METTL15: variants seen among roughly 807,000 people sequenced by gnomAD.
METTL15 encodes the protein 12S rRNA N(4)-cytidine methyltransferase METTL15.
Under a neutral mutation model 38.3 loss-of-function variants are expected in METTL15, and 34 were observed. The ratio of observed to expected loss-of-function variants is 0.89; its 90% confidence interval spans 0.68 to 1.18. METTL15 has a LOEUF of 1.18. Ranked by LOEUF, METTL15 falls within the 50% of genes most tolerant of loss-of-function variation. The pLI, the probability that METTL15 is intolerant of heterozygous loss-of-function variation, is 0.00. For synonymous variants in METTL15, 162 were observed against 170.9 expected (o/e 0.95, Z 0.41); for missense variants, 438 against 498.4 (o/e 0.88, Z 1.15).
At chr11:28,153,152 C>CTA (rs2133691066) in intron 3 of METTL15, among the ~76,000 whole-genome samples, 1 of 152,128 alleles carries the variant, frequency 6.6e-6, no homozygotes, top group East Asian at 1.9e-4. Context: ...GTCTTTGTGA[C>CTA]TATATCTTGT....
intron 5 of METTL15, among the ~76,000 whole-genome samples, chr11:28,404,406 C>A (rs1235402127): frequency 6.6e-6 from 1 of 151,984 alleles, no homozygotes; most frequent in Non-Finnish European, 1.5e-5. Context: ...GATCTAGGAT[C>A]CAGCAGATTT....
chr11:28,392,287 A>G (rs1267569189), intron 5 of METTL15, among the ~76,000 whole-genome samples: 1 of 152,124 alleles, frequency 6.6e-6, no homozygotes, highest in Non-Finnish European at 1.5e-5. Flanking sequence ...AGCCAAAGCA[A>G]TTATGAGAAA....
At chr11:28,347,113 C>T (rs777248300) in intron 3 of METTL15, among the ~76,000 whole-genome samples, 2 of 152,208 alleles carry the variant, frequency 1.3e-5, no homozygotes, top group Non-Finnish European at 2.9e-5. Flanking sequence ...TCCTTCACCT[C>T]TTCTTCTAAA....
At chr11:28,306,138 G>A (rs1857075398) in intron 6 of METTL15, among the ~76,000 whole-genome samples, 1 of 151,996 alleles carries the variant, frequency 6.6e-6, no homozygotes, top group African/African-American at 2.4e-5. Flanking sequence ...AGATCTTCCT[G>A]ATTCTGGATG....
chr11:28,233,966 C>T (rs546042766), intron 4 of METTL15, among the ~76,000 whole-genome samples: 2 of 149,030 alleles, frequency 1.3e-5, no homozygotes, highest in East Asian at 2.0e-4. Context: ...CCCCCTACCC[C>T]ACAACAGTCC....
chr11:28,206,364 A>G (rs1852343635), intron 3 of METTL15, among the ~76,000 whole-genome samples: 1 of 152,092 alleles, frequency 6.6e-6, no homozygotes, highest in Non-Finnish European at 1.5e-5. Context: ...TTAAATGGGG[A>G]ATCCTTTCCC....
At chr11:28,147,410 A>G (rs1006057618) in intron 3 of METTL15, among the ~76,000 whole-genome samples, 3 of 151,830 alleles carry the variant, frequency 2.0e-5, no homozygotes, top group African/African-American at 7.2e-5. Flanking sequence ...TTCCTCTGAA[A>G]TGTTTCTTTT....
chr11:28,374,821 T>C lies in METTL15; in HGVS notation c.*358+12785T>C, dbSNP rs201540727. Among the ~76,000 whole-genome samples the C allele has an allele frequency of 2.1e-4, 31 of 150,826 alleles. No individual in the cohort carries two copies. In the East Asian group the frequency reaches 6.1e-3, roughly 30 times the overall value. On this transcript the variant is annotated intron_variant and NMD_transcript_variant, in intron 5 of 7. Coordinates refer to the METTL15 transcript ENST00000532947. Reference sequence around the variant, plus strand: ...GTGGGTTTGTCATAGATAGCTCTTATTATTTTGAAATACGTCCCATCAATA... The same window carrying C: ...GTGGGTTTGTCATAGATAGCTCTTACTATTTTGAAATACGTCCCATCAATA...
At position 28,285,362 on chromosome 11, in the gene METTL15, ATT is replaced by A. The variant is rs34972962; in HGVS notation, c.408-4830_408-4829del. The stretch of plus-strand genomic sequence containing the variant: ...ATAAACTTTCTTAAAACATCATGAG[ATT>A]TTTTTTTTTTTTTAGCTCATTAGTT... On this transcript the variant is annotated intron_variant, in intron 4 of 6. Transcript: ENST00000407364. Among the ~76,000 whole-genome samples the A allele has an allele frequency of 3.7e-3, 539 of 144,732 alleles. 3 individuals are homozygous for A. Among genetic ancestry groups the A allele is most frequent in the Middle Eastern group, 0.014 (4 of 286 alleles). The allele number at this position is 144,732 out of a possible 152,430, so 94.9% of individuals were successfully genotyped here.
intron 6 of METTL15, among the ~76,000 whole-genome samples, chr11:28,307,896 GA>G (rs1317744913): frequency 1.3e-5 from 2 of 151,910 alleles, no homozygotes; most frequent in Non-Finnish European, 2.9e-5. Context: ...ATATTTTCAT[GA>G]ATCCCATTAA....
At chr11:28,154,026 G>A (rs749813810) in intron 3 of METTL15, among the ~76,000 whole-genome samples, 1 of 152,100 alleles carries the variant, frequency 6.6e-6, no homozygotes, top group Non-Finnish European at 1.5e-5. Flanking sequence ...GGAGCTGTTT[G>A]AATTTTCAAA....
chr11:28,229,645 G>A (rs1010118922), intron 4 of METTL15, among the ~76,000 whole-genome samples: 1 of 151,992 alleles, frequency 6.6e-6, no homozygotes, highest in African/African-American at 2.4e-5. Context: ...CTTTTAAGCA[G>A]AGAACATGCC....
intron 6 of METTL15, among the ~76,000 whole-genome samples, chr11:28,454,180 T>A (rs1851148567): frequency 6.6e-6 from 1 of 152,176 alleles, no homozygotes; most frequent in Non-Finnish European, 1.5e-5. Context: ...TACCAAAGAT[T>A]TATCTAAGTG....
intron 6 of METTL15, among the ~76,000 whole-genome samples, chr11:28,429,864 A>G (rs1850900075): frequency 1.5e-5 from 1 of 67,994 alleles, no homozygotes; most frequent in African/African-American, 6.3e-5. Flanking sequence ...CCCAGTCTGG[A>G]AAGTGAGGAG....
intron 3 of METTL15, among the ~76,000 whole-genome samples, chr11:28,115,682 G>A (rs1393507838): frequency 1.3e-5 from 2 of 152,106 alleles, no homozygotes; most frequent in East Asian, 3.8e-4. Flanking sequence ...TTAAGTGGAA[G>A]TAGGTCATCA....
intron 6 of METTL15, among the ~76,000 whole-genome samples, chr11:28,325,469 T>C (rs575239619): frequency 6.6e-6 from 1 of 152,332 alleles, no homozygotes; most frequent in East Asian, 1.9e-4. Flanking sequence ...ATATACAGGC[T>C]TGGCACACAG....
intron 3 of METTL15, among the ~76,000 whole-genome samples, chr11:28,180,304 T>TATC (rs1242000021): frequency 6.6e-6 from 1 of 151,900 alleles, no homozygotes; most frequent in Non-Finnish European, 1.5e-5. Context: ...ATATCACTGC[T>TATC]ATCACCTTAA....
At chr11:28,377,922 G>A (rs1218693214) in intron 5 of METTL15, among the ~76,000 whole-genome samples, 5 of 152,150 alleles carry the variant, frequency 3.3e-5, no homozygotes, top group African/African-American at 9.7e-5. Flanking sequence ...GCAGTGTGAG[G>A]TGTCAGTGTG....
At chr11:28,427,920 C>A (rs1236402476) in intron 6 of METTL15, among the ~76,000 whole-genome samples, 1 of 152,130 alleles carries the variant, frequency 6.6e-6, no homozygotes, top group Non-Finnish European at 1.5e-5. Context: ...CTTTCTCTTG[C>A]CTGATTGCCC....
Sources: allele counts gnomAD v4.1 joint callset (sites outside exome capture counted in the v4.1 genomes callset), GRCh38; gene constraint gnomAD v4.1.1; transcripts MANE v1.5; gene names NCBI Gene and HGNC (gene_info 2026-07-23, HGNC 2026-07-21).